The following ZNF142 variants were observed in gnomAD, a reference collection of about 807,000 sequenced individuals.
The protein encoded by ZNF142 is zinc finger protein 142 (clone pHZ-49).
ZNF142 carries 96 observed loss-of-function variants against 132.1 expected under a neutral mutation model. That is an observed-to-expected ratio of 0.73 (90% CI 0.62 to 0.86). The LOEUF (loss-of-function observed/expected upper bound fraction) is 0.86, where lower values mean the gene tolerates loss of function less well. Ranked by LOEUF, ZNF142 falls within the 40% of genes least tolerant of loss-of-function variation. The pLI, the probability that ZNF142 is intolerant of heterozygous loss-of-function variation, is 0.00. For synonymous variants in ZNF142, 842 were observed against 890.1 expected (o/e 0.95, Z 0.96); for missense variants, 2,163 against 2,336.2 (o/e 0.93, Z 1.53).
At chr2:218,638,844 G>A (rs1696938351) in intron 10 of ZNF142, 36 bp from the exon 11 acceptor site, 21 of 1,513,618 alleles carry the variant, frequency 1.4e-5, no homozygotes, top group Admixed American at 1.9e-5. Flanking sequence ...TTGAAAGGCG[G>A]TGGAGCAAGG....
In ZNF142 at chr2:218,652,244, C is replaced by T. The variant is rs1033927664; in HGVS notation, c.337G>A (p.Ala113Thr). 10 of 456,700 alleles carry T rather than the reference C, an allele frequency of 2.2e-5. No individual in the cohort carries two copies. Among genetic ancestry groups the T allele is most frequent in the Admixed American group, 4.7e-5 (2 of 42,548 alleles). 28.3% of individuals were successfully genotyped at this position (456,700 alleles called of 1,614,324 possible). A position where few individuals can be genotyped will look rare whatever the true frequency, so the allele number is the denominator to read the frequency against. Reference sequence around the variant, plus strand: ...TGCAGGGCCAGCAGAGTGGGCTCTGCGAAGCTCTGTTCACAGCGCTCACAG... The same window carrying T: ...TGCAGGGCCAGCAGAGTGGGCTCTGTGAAGCTCTGTTCACAGCGCTCACAG... ...YFCERCEQSFAEPTLLALHQC... is the reference protein window; with the variant it reads ...YFCERCEQSFTEPTLLALHQC... The change falls in exon 5 of 11, where the codon GCA becomes ACA. Residue 113 changes from alanine (A) to threonine (T), a missense_variant. Physicochemically the swap from Ala to Thr is moderately conservative, Grantham distance 58 (BLOSUM62 0). Coordinates refer to ENST00000411696, the MANE Select transcript of ZNF142 (RefSeq NM_001379659.1).
At position 218,643,458 on chromosome 2, in the gene ZNF142, G is replaced by A. The variant is rs776064357; in HGVS notation, c.3658C>T (p.Arg1220Cys). 63 of 1,614,114 alleles carry A rather than the reference G, an allele frequency of 3.9e-5. No individual in the cohort carries two copies. Among genetic ancestry groups the A allele is most frequent in the South Asian group, 2.2e-4 (20 of 91,084 alleles). Reference protein sequence around the residue: ...SSPTEALKKHRFEQGKFHCNS... With the variant: ...SSPTEALKKHCFEQGKFHCNS... ...CAGTGAAACTTGCCCTGCTCAAAGC[G>A]GTGCTTCTTCAGGGCCTCTGTGGGT... Residue 1220 changes from arginine (R) to cysteine (C), a missense_variant, in exon 9 of 11, where the codon CGC becomes TGC. Physicochemically the swap from Arg to Cys is radical, Grantham distance 180 (BLOSUM62 -3). Around this residue, in one of 7 missense-constraint regions of ZNF142, gnomAD observed 809 missense variants for 801.7 expected, o/e 1.01. Transcript: ENST00000411696.
At chr2:218,655,768 T>G (rs960247944) in intron 4 of ZNF142, among the ~76,000 whole-genome samples, 5 of 152,108 alleles carry the variant, frequency 3.3e-5, no homozygotes, top group African/African-American at 4.8e-5. Context: ...CCCAGGGTGG[T>G]AGAGACAGGG....
In ZNF142 at chr2:218,644,754, G is replaced by T; in HGVS notation, c.2362C>A (p.Leu788Ile). The change falls in exon 9 of 11, where the codon CTC (leucine) becomes ATC (isoleucine). Residue 788 changes from leucine (L) to isoleucine (I), a missense_variant. By Grantham distance (5) the Leu-to-Ile change is conservative. Coordinates refer to ENST00000411696, the MANE Select transcript of ZNF142 (RefSeq NM_001379659.1). The surrounding 1 kb of genome is among the most constrained non-coding windows in gnomAD (Gnocchi z 4.6). ...TGGGCCTTGCGTTTATGGAACAAGA[G>T]TGTGGTGTTGCTGAAGGTGCGGTAG... ...CDYRTFSNTT[L>I]LFHKRKAHGY... is the part of the protein sequence containing the mutation. 3.1e-6 allele frequency: 5 copies of T among 1,614,258 alleles called. No homozygotes were observed. The highest frequency in any genetic ancestry group is 4.2e-6 in the Non-Finnish European group (5 of 1,180,042).
rs1262113815 is a variant in ZNF142, at chr2:218,636,069, G to A, written c.*2270C>T. Reference sequence around the variant, plus strand: ...AGTGTGGAACAGTACAAAGAATCCTGGCTCTTCACTTAAAAGCTCCAGTGA... The same window carrying A: ...AGTGTGGAACAGTACAAAGAATCCTAGCTCTTCACTTAAAAGCTCCAGTGA... On this transcript the variant is annotated 3_prime_UTR_variant, in exon 11 of 11. Transcript: ENST00000411696. 1.4e-5 allele frequency: 20 copies of A among 1,449,176 alleles called. No individual in the cohort carries two copies. The Admixed American group carries it at 3.7e-4, about 27-fold the overall frequency. 89.8% of individuals were successfully genotyped at this position (1,449,176 alleles called of 1,614,324 possible).
At chr2:218,639,535 T>C (rs918575747) in intron 10 of ZNF142, among the ~76,000 whole-genome samples, 1 of 151,838 alleles carries the variant, frequency 6.6e-6, no homozygotes, top group Non-Finnish European at 1.5e-5. Flanking sequence ...ACTCAAAAAG[T>C]CAAAGACCCA....
chr2:218,636,454 C>T lies in ZNF142; in HGVS notation c.*1885G>A, dbSNP rs780056313. On this transcript the variant is annotated 3_prime_UTR_variant, in exon 11 of 11. Transcript: ENST00000411696. ...GCTCTGGCTGCCTTCCTAATGCTGT[C>T]CTCCTGCCCCTTCCAGGTTACCGCC... is the stretch of plus-strand genomic sequence containing the variant. 6.2e-7 allele frequency: 1 copy of T among 1,614,030 alleles called. No homozygotes were observed. Among genetic ancestry groups the T allele is most frequent in the South Asian group, 1.1e-5 (1 of 91,080 alleles).
Position 218,643,979 on chromosome 2 carries a change from C to A in ZNF142, c.3137G>T (p.Arg1046Leu), listed in dbSNP as rs1338147412. The A allele has an allele frequency of 6.2e-7, 1 of 1,614,130 alleles. No individual in the cohort carries two copies. Among genetic ancestry groups the A allele is most frequent in the South Asian group, 1.1e-5 (1 of 91,080 alleles). The change falls in exon 9 of 11, where the codon CGC becomes CTC. Residue 1046 changes from arginine (R) to leucine (L), a missense_variant. By Grantham distance (102) the Arg-to-Leu change is moderately radical. Transcript: ENST00000411696. Reference protein sequence around the residue: ...FRCPHCPFITRREKALNLHSR... With the variant: ...FRCPHCPFITLREKALNLHSR... ...GTGCAGATTCAGGGCCTTCTCCCGG[C>A]GAGTGATAAAAGGGCAGTGTGGGCA...
chr2:218,634,340 T>C lies in ZNF142; in HGVS notation c.*3999A>G. The C allele has an allele frequency of 1.3e-6, 2 of 1,572,502 alleles. No homozygotes were observed. Among genetic ancestry groups the C allele is most frequent in the South Asian group, 1.2e-5 (1 of 85,492 alleles). ...AAAATTGCTAGGCTGAGAAATGCTA[T>C]CAGTGGATATTACCAGCAGGTACCG... is the stretch of plus-strand genomic sequence containing the variant. On this transcript the variant is annotated 3_prime_UTR_variant, in exon 11 of 11. Transcript: ENST00000411696. The surrounding 1 kb of genome is among the most constrained non-coding windows in gnomAD (Gnocchi z 4.0).
At position 218,646,335 on chromosome 2, in the gene ZNF142, G is replaced by A. The variant is rs764488031; in HGVS notation, c.1887C>T (p.His629=). 6.2e-7 allele frequency: 1 copy of A among 1,614,060 alleles called. No homozygotes were observed. Among genetic ancestry groups the A allele is most frequent in the Non-Finnish European group, 8.5e-7 (1 of 1,180,028 alleles). The change falls in exon 8 of 11, where the codon CAC becomes CAT. Residue 629 remains histidine (H), a synonymous_variant. Transcript: ENST00000411696. ...HMLLHTGEKP[H]KCELCDFTCR... is the part of the protein sequence containing the mutation. ...ATGTGAAGTCACACAGCTCACACTT[G>A]TGGGGCTTCTCACCTTATATGGGGG...
Position 218,633,891 on chromosome 2 carries a change from A to T in ZNF142, c.*4448T>A. 1 of 1,261,840 alleles carries T rather than the reference A, an allele frequency of 7.9e-7. No homozygotes were observed. The allele number at this position is 1,261,840 out of a possible 1,614,324, so 78.2% of individuals were successfully genotyped here. On this transcript the variant is annotated 3_prime_UTR_variant, in exon 11 of 11. Coordinates refer to ENST00000411696, the MANE Select transcript of ZNF142 (RefSeq NM_001379659.1). ...AGATGAAGGAGTTCAGAAACTCCTT[A>T]GAGCAGACAAGGGCAGAGGAGTTAT...
rs1375872209 is a variant in ZNF142, at chr2:218,649,130, C to T, written c.1378G>A (p.Glu460Lys). ...SDTYACPVCR[E>K]EFRLSQALKE... ...AGGGCCTGGCTGAGGCGGAATTCCT[C>T]ACGGCAGACAGGACAGGCATAGGTG... Residue 460 changes from glutamate to lysine, a missense_variant, in exon 7 of 11, where the codon GAG becomes AAG. Transcript: ENST00000411696. The T allele has an allele frequency of 4.2e-5, 67 of 1,614,136 alleles. No homozygotes were observed. Among genetic ancestry groups the T allele is most frequent in the Non-Finnish European group, 5.6e-5 (66 of 1,180,044 alleles).
At position 218,642,208 on chromosome 2, in the gene ZNF142, C is replaced by T; in HGVS notation, c.4908G>A (p.Gln1636=). 1 of 1,614,210 alleles carries T rather than the reference C, an allele frequency of 6.2e-7. No homozygotes were observed. Among genetic ancestry groups the T allele is most frequent in the Non-Finnish European group, 8.5e-7 (1 of 1,180,050 alleles). Residue 1636 remains glutamine (Q), a synonymous_variant, in exon 9 of 11, where the codon CAG becomes CAA. Coordinates refer to ENST00000411696, the MANE Select transcript of ZNF142 (RefSeq NM_001379659.1). This position sits in a 1 kb window ranked among gnomAD's most constrained non-coding sequence, Gnocchi z 4.6. ...CTTTCACATGGTGATCTAGTACCAG[C>T]TGATGGCGGCATGTGAAGTCACAAA... ...CPFCDFTCRH[Q]LVLDHHVKGH...
intron 9 of ZNF142, among the ~76,000 whole-genome samples, chr2:218,641,215 A>G (rs1403562729): frequency 6.6e-6 from 1 of 150,890 alleles, no homozygotes; most frequent in African/African-American, 2.4e-5. Flanking sequence ...CTAGGATTAC[A>G]GGCGTGAGCC....
Position 218,643,529 on chromosome 2 carries a change from G to C in ZNF142, c.3587C>G (p.Pro1196Arg), listed in dbSNP as rs569272009. Residue 1196 changes from proline (P) to arginine (R), a missense_variant, in exon 9 of 11, where the codon CCT becomes CGT. Coordinates refer to ENST00000411696, the MANE Select transcript of ZNF142 (RefSeq NM_001379659.1). ...GACTGGGTCAAGGTGGTGCTTCTTA[G>C]GGGCCTCCGTGGGTGAGGAGTTTCC... is the stretch of plus-strand genomic sequence containing the variant. ...PAGNSSPTEAPKKHHLDPVPP... is the reference protein window; with the variant it reads ...PAGNSSPTEARKKHHLDPVPP... 3.7e-6 allele frequency: 6 copies of C among 1,610,184 alleles called. No individual in the cohort carries two copies. In the East Asian group the frequency reaches 1.3e-4, roughly 36 times the overall value.
intron 9 of ZNF142, among the ~76,000 whole-genome samples, chr2:218,641,243 ATTTTTT>A (rs71276228): frequency 9.6e-6 from 1 of 103,920 alleles, no homozygotes; most frequent in Non-Finnish European, 2.0e-5. Flanking sequence ...CTGGCCGATA[ATTTTTT>A]TTTTTTTTTT....
intron 6 of ZNF142, 95 bp from the exon 7 acceptor site, chr2:218,649,554 T>C: frequency 8.4e-7 from 1 of 1,191,028 alleles, no homozygotes; most frequent in Non-Finnish European, 1.1e-6. Flanking sequence ...ACAAACGATG[T>C]GTGGCCTCTC....
chr2:218,654,326 C>A (rs1021962324), intron 4 of ZNF142, among the ~76,000 whole-genome samples: 3 of 151,802 alleles, frequency 2.0e-5, no homozygotes, highest in Non-Finnish European at 4.4e-5. Context: ...GCCTCATCAA[C>A]ACTAGGTATT....
chr2:218,639,079 C>T (rs1205316871), intron 10 of ZNF142, among the ~76,000 whole-genome samples: 2 of 152,216 alleles, frequency 1.3e-5, no homozygotes, highest in African/African-American at 4.8e-5. Flanking sequence ...TCAAGTGATC[C>T]TCCTGCCTCA....
Sources: gnomAD v4.1 joint callset for allele counts (sites outside exome capture counted in the v4.1 genomes callset) on GRCh38, gnomAD v4.1.1 for gene constraint, gnomAD v4.1.1 regional missense constraint, Gnocchi (gnomAD v3.1) non-coding constraint, MANE v1.5 for transcripts, NCBI Gene and HGNC (gene_info 2026-07-23, HGNC 2026-07-21) for gene names.